The following TYW1B variants were observed in gnomAD, a reference collection of about 807,000 sequenced individuals.
The protein encoded by TYW1B is tRNA-yW synthesizing protein 1 homolog B.
TYW1B carries 73 observed loss-of-function variants against 86.9 expected under a neutral mutation model. The observed-to-expected ratio is 0.84, with a 90% CI of 0.70 to 1.02. The LOEUF is 1.02. Among genes scored for constraint, TYW1B ranks in the 50% least tolerant of loss-of-function variants. The probability of loss-of-function intolerance (pLI) is 0.00; values close to 1 mark genes in which losing one functional copy is unlikely to be tolerated. For missense variants in TYW1B, 637 were observed against 827.4 expected (o/e 0.77, Z 2.82); for synonymous variants, 248 against 292.8 (o/e 0.85, Z 1.56).
Position 72,792,056 on chromosome 7 carries a change from G to A in TYW1B, c.846+10344C>T, listed in dbSNP as rs368225714. Among the ~76,000 whole-genome samples the A allele has an allele frequency of 3.3e-5, 5 of 151,994 alleles. No homozygotes were observed. The South Asian group carries it at 8.3e-4, about 25-fold the overall frequency. ...CAGAAAGAAATGATTCAGGCCAGGC[G>A]CAGTGGCTCACGCTTGTAATCCCAA... On this transcript the variant is annotated intron_variant, in intron 6 of 13. Coordinates refer to ENST00000620995, the MANE Select transcript of TYW1B (RefSeq NM_001145440.3).
chr7:72,694,665 T>G, intron 11 of TYW1B, 22 bp downstream of exon 11: 1 of 1,589,280 alleles, frequency 6.3e-7, no homozygotes, highest in Non-Finnish European at 8.5e-7. Flanking sequence ...TTTATTTATT[T>G]TTAAGATGTC....
rs1491222087 is a variant in TYW1B at position 72,632,385 on chromosome 7, TAC to T, written c.1507-3390_1507-3389del. Among the ~76,000 whole-genome samples the T allele has an allele frequency of 5.1e-4, 58 of 114,808 alleles. 2 individuals carry two copies. Among genetic ancestry groups the T allele is most frequent in the African/African-American group, 1.4e-3 (34 of 24,808 alleles). 75.3% of individuals were successfully genotyped at this position (114,808 alleles called of 152,430 possible). A position where few individuals can be genotyped will look rare whatever the true frequency, so the allele number is the denominator to read the frequency against. On this transcript the variant is annotated intron_variant, in intron 11 of 13. Transcript: ENST00000620995. Reference sequence around the variant, plus strand: ...TATATACGCATATATATTATATATATACGTATATATATATAATATATATATAC... The same window carrying T: ...TATATACGCATATATATTATATATATGTATATATATATAATATATATATAC...
chr7:72,827,030 A>G, intron 1 of TYW1B, 45 bp from the exon 2 acceptor site: 2 of 1,557,210 alleles, frequency 1.3e-6, no homozygotes, highest in South Asian at 2.4e-5. Flanking sequence ...TTAAAGCTAC[A>G]TATACAAAGA....
chr7:72,793,471 G>A lies in TYW1B; in HGVS notation c.846+8929C>T, dbSNP rs1423818305. ...CATTAAAAATGGCTCCCCTGGCCGG[G>A]AACGGTGGCTCACGCCTGTAATCCC... is the stretch of plus-strand genomic sequence containing the variant. On this transcript the variant is annotated intron_variant, in intron 6 of 13. Transcript: ENST00000620995. 2.0e-5 allele frequency among the ~76,000 whole-genome samples: 3 copies of A among 152,168 alleles called. No homozygotes were observed. In the East Asian group the frequency reaches 5.8e-4, roughly 29 times the overall value.
At chr7:72,811,947 G>GA (rs1788629616) in intron 3 of TYW1B, among the ~76,000 whole-genome samples, 2 of 147,008 alleles carry the variant, frequency 1.4e-5, no homozygotes, top group African/African-American at 5.0e-5. Flanking sequence ...GAAAAGAAAA[G>GA]AAAAAATACA....
intron 11 of TYW1B, among the ~76,000 whole-genome samples, chr7:72,660,846 C>T (rs1272020346): frequency 1.3e-5 from 2 of 152,068 alleles, no homozygotes; most frequent in South Asian, 2.1e-4. Context: ...GAATTAGGTT[C>T]TAATGGTGAG....
chr7:72,798,282 T>A (rs1384288035), intron 6 of TYW1B, among the ~76,000 whole-genome samples: 3 of 151,734 alleles, frequency 2.0e-5, no homozygotes, highest in Admixed American at 6.6e-5. Context: ...TCCCAGCTAC[T>A]CGGGAGGCTG....
chr7:72,713,918 A>G (rs1786727827), intron 9 of TYW1B, 120 bp from the exon 10 acceptor site: 1 of 629,662 alleles, frequency 1.6e-6, no homozygotes, highest in East Asian at 2.9e-5. Context: ...AGAATACAAA[A>G]CAAAGGCTAA....
At chr7:72,578,280 A>AT (rs528972873) in intron 13 of TYW1B, among the ~76,000 whole-genome samples, 9 of 151,434 alleles carry the variant, frequency 5.9e-5, no homozygotes, top group Non-Finnish European at 1.3e-4. Context: ...CGCCTGGCTA[A>AT]TTTTTTTTGT....
At chr7:72,785,587 C>A (rs1788115307) in intron 6 of TYW1B, among the ~76,000 whole-genome samples, 2 of 151,878 alleles carry the variant, frequency 1.3e-5, no homozygotes, top group South Asian at 4.1e-4. Flanking sequence ...AAAACAGAAG[C>A]ACAGAGGGGT....
At position 72,714,520 on chromosome 7, in the gene TYW1B, A is replaced by G. The variant is rs545929712; in HGVS notation, c.1193-722T>C. On this transcript the variant is annotated intron_variant, in intron 9 of 13. Coordinates refer to ENST00000620995, the MANE Select transcript of TYW1B (RefSeq NM_001145440.3). Reference sequence around the variant, plus strand: ...TGTCTGTGGTCCCAACTACTTGGGAAGCTGAGGTGGGAAGATCACTTGAGT... The same window carrying G: ...TGTCTGTGGTCCCAACTACTTGGGAGGCTGAGGTGGGAAGATCACTTGAGT... Among the ~76,000 whole-genome samples the G allele has an allele frequency of 7.8e-3, 1,186 of 151,572 alleles. 7 individuals carry two copies. The highest frequency in any genetic ancestry group is 0.013 in the Non-Finnish European group (904 of 67,906).
chr7:72,766,933 A>C (rs1184818958), intron 7 of TYW1B, among the ~76,000 whole-genome samples: 1 of 152,184 alleles, frequency 6.6e-6, no homozygotes, highest in Admixed American at 6.6e-5. Context: ...TCTCAAAAAA[A>C]TAAATAAATA....
chr7:72,671,255 A>G (rs1813594038), intron 11 of TYW1B, among the ~76,000 whole-genome samples: 1 of 152,126 alleles, frequency 6.6e-6, no homozygotes, highest in East Asian at 1.9e-4. Context: ...GTCCTTTTTA[A>G]AAATAAGTAA....
chr7:72,646,435 G>C, intron 11 of TYW1B, among the ~76,000 whole-genome samples: 1 of 151,866 alleles, frequency 6.6e-6, no homozygotes, highest in East Asian at 1.9e-4. Flanking sequence ...GCAGTGGCAC[G>C]ATCTTGGCTC....
intron 11 of TYW1B, among the ~76,000 whole-genome samples, chr7:72,653,308 T>C (rs1813108688): frequency 6.6e-6 from 1 of 152,098 alleles, no homozygotes; most frequent in Non-Finnish European, 1.5e-5. Flanking sequence ...AAATTACCAA[T>C]ATCAAAAATG....
intron 13 of TYW1B, among the ~76,000 whole-genome samples, chr7:72,588,170 C>G (rs1811318063): frequency 6.6e-6 from 1 of 152,186 alleles, no homozygotes; most frequent in Admixed American, 6.6e-5. Flanking sequence ...GCCCGTGGAA[C>G]CATTTTCACA....
At chr7:72,704,603 G>A (rs1320207560) in intron 10 of TYW1B, among the ~76,000 whole-genome samples, 2 of 142,960 alleles carry the variant, frequency 1.4e-5, no homozygotes, top group Admixed American at 1.4e-4. Flanking sequence ...AAAAAAAAAA[G>A]TCAATCTTAT....
At chr7:72,704,496 C>T (rs1182719926) in intron 10 of TYW1B, among the ~76,000 whole-genome samples, 8 of 150,346 alleles carry the variant, frequency 5.3e-5, no homozygotes, top group Admixed American at 3.3e-4. Flanking sequence ...CACCTGTAAT[C>T]CCAGCACTTT....
intron 11 of TYW1B, among the ~76,000 whole-genome samples, chr7:72,675,191 G>A (rs111815115): frequency 0.16 from 20,327 of 124,010 alleles, no homozygotes; most frequent in African/African-American, 0.28. Flanking sequence ...CTGAGATCAG[G>A]AGTTTGAGAC....
Sources: gnomAD v4.1 joint callset for allele counts (sites outside exome capture counted in the v4.1 genomes callset) on GRCh38, gnomAD v4.1.1 for gene constraint, MANE v1.5 for transcripts, NCBI Gene and HGNC (gene_info 2026-07-23, HGNC 2026-07-21) for gene names.